PHACTR1: variants seen among roughly 807,000 people sequenced by gnomAD.
The protein encoded by PHACTR1 is phosphatase and actin regulator 1.
PHACTR1 carries 16 observed loss-of-function variants against 69.2 expected under a neutral mutation model. The ratio of observed to expected loss-of-function variants is 0.23; its 90% CI spans 0.16 to 0.35. PHACTR1 has a LOEUF of 0.35. PHACTR1 is among the 10% of genes least tolerant of loss of function. The pLI is 1.00. For synonymous variants in PHACTR1, 312 were observed against 284.5 expected (o/e 1.10, Z -0.97); for missense variants, 510 against 734.7 (o/e 0.69, Z 3.54).
At chr6:12,845,554 C>T (rs934559424) in intron 4 of PHACTR1, among the ~76,000 whole-genome samples, 3 of 151,482 alleles carry the variant, frequency 2.0e-5, no homozygotes, top group African/African-American at 4.9e-5. Context: ...TGTTCAGCAC[C>T]GAGACAGTCT....
intron 5 of PHACTR1, among the ~76,000 whole-genome samples, chr6:13,076,998 G>A (rs1269496632): frequency 1.3e-5 from 2 of 149,338 alleles, no homozygotes; most frequent in Admixed American, 6.7e-5. Context: ...GCTAGATGAC[G>A]AGTTAGTGGG....
At chr6:12,941,103 T>G (rs2127540928) in intron 4 of PHACTR1, among the ~76,000 whole-genome samples, 1 of 152,276 alleles carries the variant, frequency 6.6e-6, no homozygotes, top group Non-Finnish European at 1.5e-5. Context: ...CTTTTCTACC[T>G]ACCAGTGAGG....
intron 5 of PHACTR1, among the ~76,000 whole-genome samples, chr6:13,108,424 C>T (rs1816507086): frequency 6.6e-6 from 1 of 152,014 alleles, no homozygotes; most frequent in Admixed American, 6.5e-5. Context: ...TTTTCCATGT[C>T]ATTACTGTGT....
intron 5 of PHACTR1, among the ~76,000 whole-genome samples, chr6:13,136,065 AC>A (rs1421914899): frequency 2.6e-5 from 4 of 152,184 alleles, no homozygotes; most frequent in African/African-American, 7.2e-5. Flanking sequence ...GCCACTTTTA[AC>A]CTGCATATTA....
intron 5 of PHACTR1, among the ~76,000 whole-genome samples, chr6:13,098,410 A>G (rs1814623115): frequency 6.6e-6 from 1 of 151,946 alleles, no homozygotes. Flanking sequence ...GTGGGTTGCT[A>G]TCTAGGCCTT....
intron 4 of PHACTR1, among the ~76,000 whole-genome samples, chr6:13,007,357 T>C (rs1163589699): frequency 6.6e-6 from 1 of 152,158 alleles, no homozygotes; most frequent in African/African-American, 2.4e-5. Flanking sequence ...GGATTTATAG[T>C]TTGGAGCAAA....
Position 13,229,915 on chromosome 6 carries a change from A to G in PHACTR1, c.1235-122A>G, listed in dbSNP as rs570661271. The G allele has an allele frequency of 5.2e-6, 6 of 1,152,164 alleles. No homozygotes were observed. The South Asian group carries it at 6.5e-5, about 12-fold the overall frequency. 71.4% of individuals were successfully genotyped at this position (1,152,164 alleles called of 1,614,324 possible). On this transcript the variant is annotated intron_variant, in intron 9 of 14. Transcript: ENST00000332995. ...AACTCTAGGAACTGAGGCATTAACCACTTTCAGGTGTTAAAACCTTGATGA... is the reference window on the plus strand; with the variant it reads ...AACTCTAGGAACTGAGGCATTAACCGCTTTCAGGTGTTAAAACCTTGATGA...
chr6:12,926,386 C>A (rs1242708963), intron 4 of PHACTR1, among the ~76,000 whole-genome samples: 2 of 152,202 alleles, frequency 1.3e-5, no homozygotes, highest in Non-Finnish European at 2.9e-5. Context: ...CTAGTCAATT[C>A]CCATGGCTTC....
At chr6:12,933,682 G>T (rs767309749) in intron 4 of PHACTR1, 1 of 1,612,832 alleles carries the variant, frequency 6.2e-7, no homozygotes, top group Non-Finnish European at 8.5e-7. Context: ...GACCAGCAGT[G>T]CCAACTCTTG....
chr6:13,148,240 A>G (rs978787432), intron 5 of PHACTR1, among the ~76,000 whole-genome samples: 2 of 149,898 alleles, frequency 1.3e-5, no homozygotes, highest in African/African-American at 4.9e-5. Context: ...GTATAATGAT[A>G]TAACTATATA....
At chr6:12,821,483 AAGAGAGAGAG>A (rs138381209) in intron 4 of PHACTR1, among the ~76,000 whole-genome samples, 5 of 95,858 alleles carry the variant, frequency 5.2e-5, no homozygotes, top group Non-Finnish European at 9.6e-5. Flanking sequence ...AAAAAAAAAA[AAGAGAGAGAG>A]AGAGAGAGAG....
At chr6:12,725,077 T>C (rs1762610588) in intron 3 of PHACTR1, among the ~76,000 whole-genome samples, 1 of 152,184 alleles carries the variant, frequency 6.6e-6, no homozygotes, top group Non-Finnish European at 1.5e-5. Flanking sequence ...AACTGATGAA[T>C]GCCACAGTGA....
intron 4 of PHACTR1, among the ~76,000 whole-genome samples, chr6:12,985,169 T>C (rs1795986622): frequency 6.6e-6 from 1 of 152,192 alleles, no homozygotes; most frequent in Admixed American, 6.5e-5. Flanking sequence ...TAAGATGCAC[T>C]TTGAAAAGTA....
At chr6:13,191,053 T>G (rs1417996455) in intron 7 of PHACTR1, among the ~76,000 whole-genome samples, 1 of 152,168 alleles carries the variant, frequency 6.6e-6, no homozygotes, top group Non-Finnish European at 1.5e-5. Context: ...TATGTGTCTC[T>G]GTTTTTCTCT....
intron 10 of PHACTR1, among the ~76,000 whole-genome samples, chr6:13,234,484 G>C (rs1021037269): frequency 9.9e-5 from 15 of 150,860 alleles, no homozygotes; most frequent in African/African-American, 3.7e-4. Context: ...CAGCAAGATA[G>C]AAAACATAAT....
chr6:12,801,924 G>T lies in PHACTR1; in HGVS notation c.250+52134G>T, dbSNP rs985454998. On this transcript the variant is annotated intron_variant, in intron 4 of 14. Transcript: ENST00000332995. ...TTTCCGAGGAGTGACTAAATAAATT[G>T]TCAGACATTGTCTTTTGATGACCTT... is the stretch of plus-strand genomic sequence containing the variant. Among the ~76,000 whole-genome samples, 11 of 151,948 alleles carry T rather than the reference G, an allele frequency of 7.2e-5. No homozygotes were observed. The East Asian group carries it at 2.1e-3, about 29-fold the overall frequency.
At chr6:12,763,619 G>A (rs903181364) in intron 4 of PHACTR1, among the ~76,000 whole-genome samples, 4 of 152,156 alleles carry the variant, frequency 2.6e-5, no homozygotes, top group African/African-American at 9.7e-5. Context: ...CACAGACAAG[G>A]CTGGCATAAT....
intron 4 of PHACTR1, among the ~76,000 whole-genome samples, chr6:12,945,224 C>G (rs1331535911): frequency 6.6e-6 from 1 of 152,184 alleles, no homozygotes; most frequent in African/African-American, 2.4e-5. Context: ...TATAAAACCA[C>G]TTCCTCCAGA....
At chr6:12,974,994 C>T (rs759704954) in intron 4 of PHACTR1, among the ~76,000 whole-genome samples, 40 of 152,058 alleles carry the variant, frequency 2.6e-4, no homozygotes, top group Non-Finnish European at 4.3e-4. Context: ...GTCTCCCATA[C>T]TCCTACGGTC....
Sources: gnomAD v4.1 joint callset for allele counts (sites outside exome capture counted in the v4.1 genomes callset) on GRCh38, gnomAD v4.1.1 for gene constraint, MANE v1.5 for transcripts, NCBI Gene and HGNC (gene_info 2026-07-23, HGNC 2026-07-21) for gene names.